The following TIAM1 variants were observed in gnomAD, a reference collection of about 807,000 sequenced individuals.
TIAM1 encodes the protein TIAM Rac1 associated GEF 1, also known as rho guanine nucleotide exchange factor TIAM1.
In TIAM1, 65 loss-of-function variants were observed where a neutral mutation model predicts 163.5. The observed-to-expected ratio is 0.40, with a 90% CI of 0.33 to 0.49. The LOEUF (loss-of-function observed/expected upper bound fraction) is 0.49, where lower values mean the gene tolerates loss of function less well. TIAM1 is among the 20% of genes least tolerant of loss of function. The pLI is 0.77. For synonymous variants in TIAM1, 833 were observed against 810.1 expected (o/e 1.03, Z -0.48); for missense variants, 1,789 against 2,044.7 (o/e 0.87, Z 2.41).
intron 1 of TIAM1, among the ~76,000 whole-genome samples, chr21:31,513,671 T>C (rs776851622): frequency 1.3e-5 from 2 of 152,170 alleles, no homozygotes; most frequent in Non-Finnish European, 2.9e-5. Context: ...TACCATGCCC[T>C]TCAGTTGTTT....
intron 2 of TIAM1, among the ~76,000 whole-genome samples, chr21:31,332,081 T>C (rs557294081): frequency 6.6e-6 from 1 of 152,202 alleles, no homozygotes; most frequent in Non-Finnish European, 1.5e-5. Context: ...CTCTCAAAAT[T>C]ACTTCCAGAT....
intron 2 of TIAM1, among the ~76,000 whole-genome samples, chr21:31,311,151 G>GT (rs1223545260): frequency 1.5e-5 from 2 of 131,976 alleles, no homozygotes; most frequent in African/African-American, 3.1e-5. Context: ...TCAGGAAATG[G>GT]TTTTTTTGTT....
rs141652017 is a variant in TIAM1 at position 31,493,786 on chromosome 21, G to A, written c.-421-29751C>T. ...GCTGGAGAAGGGACCAGCTGGTGGC[G>A]TCTGCACTCACTCAGGGCAGAAGTA... On this transcript the variant is annotated intron_variant, in intron 1 of 28. Transcript: ENST00000286827. Among the ~76,000 whole-genome samples the A allele has an allele frequency of 1.5e-4, 23 of 152,300 alleles. 1 individual carries two copies. The East Asian group carries it at 2.7e-3, about 18-fold the overall frequency.
chr21:31,360,391 C>T (rs1011417053), intron 2 of TIAM1, among the ~76,000 whole-genome samples: 1 of 150,612 alleles, frequency 6.6e-6, no homozygotes, highest in Admixed American at 6.7e-5. Flanking sequence ...ACTCTAATGT[C>T]CTTGTATTAT....
chr21:31,352,953 C>T (rs1169204506), intron 2 of TIAM1, among the ~76,000 whole-genome samples: 1 of 151,690 alleles, frequency 6.6e-6, no homozygotes, highest in Non-Finnish European at 1.5e-5. Flanking sequence ...TCCAATAAGC[C>T]AACTCTTCCT....
At chr21:31,468,692 C>T (rs1309308306) in intron 1 of TIAM1, among the ~76,000 whole-genome samples, 4 of 151,972 alleles carry the variant, frequency 2.6e-5, no homozygotes, top group East Asian at 1.9e-4. Context: ...AGGAGAATGG[C>T]GTGAACCCGG....
intron 2 of TIAM1, among the ~76,000 whole-genome samples, chr21:31,325,682 A>AAAAG (rs1491090876): frequency 7.2e-5 from 11 of 151,742 alleles, no homozygotes; most frequent in African/African-American, 2.7e-4. Flanking sequence ...AAAAAAAAAA[A>AAAAG]GAATGTATAC....
intron 2 of TIAM1, among the ~76,000 whole-genome samples, chr21:31,408,191 A>C (rs1387047228): frequency 6.6e-6 from 1 of 152,214 alleles, no homozygotes; most frequent in Non-Finnish European, 1.5e-5. Flanking sequence ...ACTGTTTACT[A>C]TGTGTCTGTC....
At chr21:31,182,393 T>G in intron 15 of TIAM1, 28 bp downstream of exon 15, 1 of 1,486,352 alleles carries the variant, frequency 6.7e-7, no homozygotes, top group Admixed American at 2.5e-5. Flanking sequence ...GAGTTCAGAC[T>G]CGCCCCCAGC....
chr21:31,268,081 A>G (rs1027672832), intron 3 of TIAM1, among the ~76,000 whole-genome samples: 32 of 152,192 alleles, frequency 2.1e-4, no homozygotes, highest in African/African-American at 7.2e-4. Flanking sequence ...TGCACTTAAG[A>G]TAACGCACAT....
intron 2 of TIAM1, among the ~76,000 whole-genome samples, chr21:31,431,090 G>T (rs1326733496): frequency 6.6e-6 from 1 of 152,174 alleles, no homozygotes; most frequent in East Asian, 1.9e-4. Context: ...ACTTCTGCAT[G>T]TATGGGTCTC....
chr21:31,198,458 G>A (rs2086002154), intron 12 of TIAM1, among the ~76,000 whole-genome samples: 1 of 152,096 alleles, frequency 6.6e-6, no homozygotes, highest in Admixed American at 6.5e-5. Flanking sequence ...CTTTAGAAAT[G>A]TTTCATACTG....
At position 31,217,539 on chromosome 21, in the gene TIAM1, G is replaced by A. The variant is rs1427223397; in HGVS notation, c.2142+14C>T. On this transcript the variant is annotated intron_variant, in intron 9 of 27. Transcript: ENST00000541036. ...ATTTGTGCGGGCTCACTTTTCATCT[G>A]CTCTGGAACCTACCTGATTGATGCT... The A allele has an allele frequency of 6.2e-7, 1 of 1,611,528 alleles. No homozygotes were observed. Among genetic ancestry groups the A allele is most frequent in the African/African-American group, 1.3e-5 (1 of 74,810 alleles).
chr21:31,538,415 C>T (rs1333546531), intron 1 of TIAM1, among the ~76,000 whole-genome samples: 3 of 152,114 alleles, frequency 2.0e-5, no homozygotes, highest in Admixed American at 6.6e-5. Flanking sequence ...TCATGGCATG[C>T]GCCTGTAGTC....
chr21:31,314,514 A>G (rs13045983), intron 2 of TIAM1, among the ~76,000 whole-genome samples: 28,058 of 152,202 alleles, frequency 0.18, 2,609 homozygotes, highest in Middle Eastern at 0.21. Context: ...AACAAGCTGC[A>G]CATACATCAG....
At chr21:31,439,055 G>A (rs759412017) in intron 2 of TIAM1, among the ~76,000 whole-genome samples, 33 of 152,160 alleles carry the variant, frequency 2.2e-4, no homozygotes, top group East Asian at 3.9e-4. Flanking sequence ...ACTAGGTAGC[G>A]ATTACCTGAT....
intron 1 of TIAM1, among the ~76,000 whole-genome samples, chr21:31,502,098 C>A (rs2046869266): frequency 6.6e-6 from 1 of 151,958 alleles, no homozygotes; most frequent in African/African-American, 2.4e-5. Context: ...GTTCCAGTGT[C>A]AAGGAATTCA....
At chr21:31,380,846 G>A (rs1410121705) in intron 2 of TIAM1, among the ~76,000 whole-genome samples, 4 of 152,092 alleles carry the variant, frequency 2.6e-5, no homozygotes, top group African/African-American at 4.8e-5. Context: ...GTACCGGATC[G>A]GTTAGGGACA....
chr21:31,421,882 C>T lies in TIAM1; in HGVS notation c.-369+42101G>A, dbSNP rs547920543. Among the ~76,000 whole-genome samples, 7 of 152,164 alleles carry T rather than the reference C, an allele frequency of 4.6e-5. No homozygotes were observed. The South Asian group carries it at 1.0e-3, about 23-fold the overall frequency. ...GTGCACGCCAGTACTCCTAGCTACTCGCGAGGCTGAAGCAGGAGGATCTCT... is the reference window on the plus strand; with the variant it reads ...GTGCACGCCAGTACTCCTAGCTACTTGCGAGGCTGAAGCAGGAGGATCTCT... On this transcript the variant is annotated intron_variant, in intron 2 of 28. Transcript: ENST00000286827.
Sources: allele counts gnomAD v4.1 joint callset (sites outside exome capture counted in the v4.1 genomes callset), GRCh38; gene constraint gnomAD v4.1.1; transcripts MANE v1.5; gene names NCBI Gene and HGNC (gene_info 2026-07-23, HGNC 2026-07-21).